The following VWF variants were observed in gnomAD, a reference collection of about 807,000 sequenced individuals.
VWF encodes Factor VIII related antigen.
VWF carries 176 observed loss-of-function variants against 308.6 expected under a neutral mutation model. The ratio of observed to expected loss-of-function variants is 0.57; its 90% CI spans 0.50 to 0.65. The LOEUF (loss-of-function observed/expected upper bound fraction) is 0.65. Ranked by LOEUF, VWF falls within the 30% of genes least tolerant of loss-of-function variation. VWF has a pLI of 0.00. For missense variants in VWF, 3,146 were observed against 3,648.2 expected (o/e 0.86, Z 3.55); for synonymous variants, 1,385 against 1,443.4 (o/e 0.96, Z 0.92).
intron 10 of VWF, among the ~76,000 whole-genome samples, chr12:6,070,592 C>T (rs1311648543): frequency 6.6e-6 from 1 of 152,228 alleles, no homozygotes; most frequent in East Asian, 1.9e-4. Context: ...CAGGTTGTAA[C>T]CGGAAAGTGT....
intron 6 of VWF, among the ~76,000 whole-genome samples, chr12:6,079,221 T>C: frequency 6.6e-6 from 1 of 152,156 alleles, no homozygotes. Context: ...CCACATGGCA[T>C]GTTTAGGTGG....
At chr12:6,053,217 C>T (rs1944538817) in intron 15 of VWF, among the ~76,000 whole-genome samples, 1 of 152,204 alleles carries the variant, frequency 6.6e-6, no homozygotes, top group Non-Finnish European at 1.5e-5. Context: ...CGGGCAAGGG[C>T]ATACCCCGTG....
intron 37 of VWF, among the ~76,000 whole-genome samples, chr12:5,992,973 C>A (rs1943762515): frequency 1.3e-5 from 2 of 152,162 alleles, no homozygotes; most frequent in African/African-American, 2.4e-5. Flanking sequence ...CCCTAAGGAA[C>A]CTACAGGTTA....
At chr12:6,092,176 T>G (rs974741086) in intron 6 of VWF, among the ~76,000 whole-genome samples, 5 of 152,088 alleles carry the variant, frequency 3.3e-5, no homozygotes, top group Non-Finnish European at 7.4e-5. Context: ...GGACTCCCCC[T>G]TGGCCAAAGG....
At chr12:6,041,355 G>C (rs558261723) in intron 18 of VWF, among the ~76,000 whole-genome samples, 7 of 151,980 alleles carry the variant, frequency 4.6e-5, no homozygotes, top group Admixed American at 2.0e-4. Flanking sequence ...ACTAGAACCT[G>C]GGAGGTGGGG....
chr12:6,010,911 T>C lies in VWF; in HGVS notation c.5842+706A>G, dbSNP rs528277052. Among the ~76,000 whole-genome samples the C allele has an allele frequency of 5.3e-5, 8 of 152,318 alleles. No homozygotes were observed. In the East Asian group the frequency reaches 1.3e-3, roughly 26 times the overall value. ...GACAAAGTAACTATAGAATTCTTTA[T>C]GAATAAACAGAAGAAACCTAAAGTC... On this transcript the variant is annotated intron_variant, in intron 34 of 51. Transcript: ENST00000261405.
At position 6,092,624 on chromosome 12, in the gene VWF, T is replaced by TGAGAGTCAGAGAGAGAGAGA. The variant is rs1180180618; in HGVS notation, c.657+2835_657+2836insTCTCTCTCTCTCTGACTCTC. Among the ~76,000 whole-genome samples, 11 of 87,010 alleles carry TGAGAGTCAGAGAGAGAGAGA rather than the reference T, an allele frequency of 1.3e-4. 1 individual carries two copies. The highest frequency in any genetic ancestry group is 7.1e-4 in the African/African-American group (11 of 15,568). 57.1% of individuals were successfully genotyped at this position (87,010 alleles called of 152,430 possible). A position where few individuals can be genotyped will look rare whatever the true frequency, so the allele number is the denominator to read the frequency against. On this transcript the variant is annotated intron_variant, in intron 6 of 51. Transcript: ENST00000261405. The stretch of plus-strand genomic sequence containing the variant: ...TAGTTAGTGAGTGAGTGAGAGTGTG[T>TGAGAGTCAGAGAGAGAGAGA]GTGTGTGTGTGTGTGTGTGTGTGTG...
intron 13 of VWF, among the ~76,000 whole-genome samples, 158 bp downstream of exon 13, chr12:6,062,796 C>T (rs977781224): frequency 6.6e-6 from 1 of 152,196 alleles, no homozygotes; most frequent in African/African-American, 2.4e-5. Flanking sequence ...CAAACACCAG[C>T]CTCATAAACA....
rs1944452202 is a variant in VWF at position 6,046,878 on chromosome 12, A to T, written c.2187-61T>A. On this transcript the variant is annotated intron_variant, in intron 16 of 51. Transcript: ENST00000261405. The surrounding 1 kb of genome is among the most constrained non-coding windows in gnomAD (Gnocchi z 5.0). ...ACTCGTCTATACTCGCTGCCTCCAC[A>T]TCTTCACCTCCCACTCACTCTCTGC... is the stretch of plus-strand genomic sequence containing the variant. The T allele has an allele frequency of 6.8e-7, 1 of 1,461,290 alleles. No individual in the cohort carries two copies. The highest frequency in any genetic ancestry group is 1.4e-5 in the African/African-American group (1 of 71,848). 90.5% of individuals were successfully genotyped at this position (1,461,290 alleles called of 1,614,324 possible). A position where few individuals can be genotyped will look rare whatever the true frequency, so the allele number is the denominator to read the frequency against.
Position 5,982,002 on chromosome 12 carries a change from G to C in VWF, c.7082-11C>G. On this transcript the variant is annotated splice_polypyrimidine_tract_variant and intron_variant, in intron 41 of 51. Coordinates refer to ENST00000261405, the MANE Select transcript of VWF (RefSeq NM_000552.5). ...CCTCCTTCCTGCAGGCTGAGGGTAGGACAAGGCCACACTGAGCACTGCGCC... is the reference window on the plus strand; with the variant it reads ...CCTCCTTCCTGCAGGCTGAGGGTAGCACAAGGCCACACTGAGCACTGCGCC... 6.2e-7 allele frequency: 1 copy of C among 1,612,748 alleles called. No homozygotes were observed. Among genetic ancestry groups the C allele is most frequent in the South Asian group, 1.1e-5 (1 of 91,016 alleles).
At chr12:6,027,398 T>G (rs778030161) in intron 22 of VWF, among the ~76,000 whole-genome samples, 3 of 152,100 alleles carry the variant, frequency 2.0e-5, no homozygotes, top group African/African-American at 7.2e-5. Flanking sequence ...GCCCAAACTA[T>G]CTATAGTAAC....
chr12:6,018,026 T>C (rs1591861616), intron 28 of VWF, among the ~76,000 whole-genome samples: 1 of 151,148 alleles, frequency 6.6e-6, no homozygotes, highest in Non-Finnish European at 1.5e-5. Flanking sequence ...TGGAATTGGG[T>C]GGGGAAGAGG....
At chr12:6,119,157 T>C (rs1483811020) in intron 3 of VWF, among the ~76,000 whole-genome samples, 1 of 152,134 alleles carries the variant, frequency 6.6e-6, no homozygotes, top group African/African-American at 2.4e-5. Context: ...AAAGTCCCCA[T>C]CAGACTCCAA....
Position 6,046,044 on chromosome 12 carries a change from A to G in VWF, c.2281+679T>C, listed in dbSNP as rs1426052296. 1.3e-4 allele frequency among the ~76,000 whole-genome samples: 20 copies of G among 152,044 alleles called. No homozygotes were observed. The highest frequency in any genetic ancestry group is 9.8e-4 in the Admixed American group (15 of 15,266). On this transcript the variant is annotated intron_variant, in intron 17 of 51. Transcript: ENST00000261405. This position sits in a 1 kb window ranked among gnomAD's most constrained non-coding sequence, Gnocchi z 5.0. ...TCAAGACCAGCCTGGCCAACATGGCAAAACCCCGTCTCTACTAAAAATACA... is the reference window on the plus strand; with the variant it reads ...TCAAGACCAGCCTGGCCAACATGGCGAAACCCCGTCTCTACTAAAAATACA...
chr12:6,023,307 T>C (rs112218602), intron 25 of VWF, among the ~76,000 whole-genome samples: 14,408 of 152,188 alleles, frequency 0.095, 2,278 homozygotes, highest in African/African-American at 0.32. Flanking sequence ...ATCACTCATA[T>C]TGGCAAATAT....
rs1203724363 is a variant in VWF at position 6,075,093 on chromosome 12, CA to C, written c.874+241del. Among the ~76,000 whole-genome samples, 6 of 107,226 alleles carry C rather than the reference CA, an allele frequency of 5.6e-5. No homozygotes were observed. Among genetic ancestry groups the C allele is most frequent in the African/African-American group, 2.3e-4 (6 of 26,258 alleles). The allele number at this position is 107,226 out of a possible 152,430, so 70.3% of individuals were successfully genotyped here. Reference sequence around the variant, plus strand: ...TTTCCTGAGGGAAGTCAGGGGGCGCCAGGGGAGGCGTGGGGGCGGGACGGAG... The same window carrying C: ...TTTCCTGAGGGAAGTCAGGGGGCGCCGGGGAGGCGTGGGGGCGGGACGGAG... On this transcript the variant is annotated intron_variant, in intron 7 of 51. Coordinates refer to ENST00000261405, the MANE Select transcript of VWF (RefSeq NM_000552.5). The surrounding 1 kb of genome is among the most constrained non-coding windows in gnomAD (Gnocchi z 4.7).
intron 42 of VWF, among the ~76,000 whole-genome samples, 196 bp from the exon 43 acceptor site, chr12:5,976,456 A>C (rs1354050450): frequency 6.6e-6 from 1 of 152,120 alleles, no homozygotes; most frequent in Non-Finnish European, 1.5e-5. Flanking sequence ...CCAGCCTTAG[A>C]AAAGCTATGA....
At chr12:6,043,904 A>G (rs1008327902) in intron 18 of VWF, among the ~76,000 whole-genome samples, 1 of 152,244 alleles carries the variant, frequency 6.6e-6, no homozygotes, top group South Asian at 2.1e-4. Flanking sequence ...TACGTCAATC[A>G]TATGCAAATA....
chr12:6,003,250 T>C (rs1212907215), intron 34 of VWF, among the ~76,000 whole-genome samples: 1 of 152,242 alleles, frequency 6.6e-6, no homozygotes, highest in African/African-American at 2.4e-5. Context: ...AAGAGGCTAA[T>C]GCATTAAAAT....
Sources: allele counts gnomAD v4.1 joint callset (sites outside exome capture counted in the v4.1 genomes callset), GRCh38; gene constraint gnomAD v4.1.1; non-coding constraint Gnocchi (gnomAD v3.1); transcripts MANE v1.5; gene names NCBI Gene and HGNC (gene_info 2026-07-23, HGNC 2026-07-21).